The following GABRA1 variants were observed in gnomAD, a reference collection of about 807,000 sequenced individuals.
The protein encoded by GABRA1 is gamma-aminobutyric acid type A receptor subunit alpha1, also known as gamma-aminobutyric acid receptor subunit alpha-1.
In GABRA1, 9 loss-of-function variants were observed where a neutral mutation model predicts 48.9. The ratio of observed to expected loss-of-function variants is 0.18; its 90% CI spans 0.11 to 0.32. GABRA1 has a LOEUF of 0.32. GABRA1 is among the 10% of genes least tolerant of loss of function. The pLI, the probability that GABRA1 is intolerant of heterozygous loss-of-function variation, is 1.00. For missense variants in GABRA1, 285 were observed against 553.8 expected (o/e 0.51, Z 4.87); for synonymous variants, 210 against 198.7 (o/e 1.06, Z -0.48).
intron 4 of GABRA1, 77 bp from the exon 5 acceptor site, chr5:161,873,040 A>G: frequency 8.7e-7 from 1 of 1,153,008 alleles, no homozygotes; most frequent in Non-Finnish European, 1.3e-6. Context: ...TGCAAAAATT[A>G]TGCACTGTCT....
Position 161,875,556 on chromosome 5 carries a change from T to G in GABRA1, c.477-4T>G. 6.2e-7 allele frequency: 1 copy of G among 1,611,932 alleles called. No homozygotes were observed. The highest frequency in any genetic ancestry group is 1.1e-5 in the South Asian group (1 of 91,050). On this transcript the variant is annotated splice_region_variant and splice_polypyrimidine_tract_variant and intron_variant, in intron 5 of 9. Coordinates refer to ENST00000393943, the MANE Select transcript of GABRA1 (RefSeq NM_001127644.2). Reference sequence around the variant, plus strand: ...TCTTGTTTGTATTCTATGTTTCCCTTAAGGCTGACAGTGAGAGCTGAATGT... The same window carrying G: ...TCTTGTTTGTATTCTATGTTTCCCTGAAGGCTGACAGTGAGAGCTGAATGT...
chr5:161,856,890 T>G (rs772544217), intron 3 of GABRA1, among the ~76,000 whole-genome samples: 18 of 151,378 alleles, frequency 1.2e-4, no homozygotes, highest in Non-Finnish European at 2.5e-4. Context: ...AATACCATGA[T>G]AGCTGGCTGC....
Position 161,865,712 on chromosome 5 carries a change from C to T in GABRA1, c.188-9C>T. ...AGACACTCACTCGCCCAATTTCCTG[C>T]TTCAACAGAGCGTGTAACCGAAGTG... On this transcript the variant is annotated splice_polypyrimidine_tract_variant and intron_variant, in intron 3 of 9. Transcript: ENST00000393943. The T allele has an allele frequency of 1.2e-6, 2 of 1,612,396 alleles. No individual in the cohort carries two copies. Among genetic ancestry groups the T allele is most frequent in the Non-Finnish European group, 1.7e-6 (2 of 1,178,638 alleles).
At position 161,897,634 on chromosome 5, in the gene GABRA1, G is replaced by A. The variant is rs1006719604; in HGVS notation, c.*212G>A. On this transcript the variant is annotated 3_prime_UTR_variant, in exon 10 of 10. Transcript: ENST00000393943. ...TGGAGACAGGATTCTGACAGAGCAA[G>A]CGAAAGAGCAAAGTCATGTCAGAAG... The A allele has an allele frequency of 1.8e-6, 1 of 559,468 alleles. No individual in the cohort carries two copies. Among genetic ancestry groups the A allele is most frequent in the Admixed American group, 3.4e-5 (1 of 29,702 alleles). The allele number at this position is 559,468 out of a possible 1,614,324, so 34.7% of individuals were successfully genotyped here. A position where few individuals can be genotyped will look rare whatever the true frequency, so the allele number is the denominator to read the frequency against.
At chr5:161,854,944 C>A (rs1162443311) in intron 3 of GABRA1, among the ~76,000 whole-genome samples, 1 of 151,464 alleles carries the variant, frequency 6.6e-6, no homozygotes, top group Middle Eastern at 3.4e-3. Context: ...TTGAATAACA[C>A]TTGAATAAGA....
intron 6 of GABRA1, among the ~76,000 whole-genome samples, chr5:161,878,088 A>G (rs1203803768): frequency 1.3e-5 from 2 of 152,206 alleles, no homozygotes; most frequent in Non-Finnish European, 2.9e-5. Flanking sequence ...TACTTTGTTC[A>G]GCTTTTCCTA....
intron 6 of GABRA1, among the ~76,000 whole-genome samples, chr5:161,877,246 G>T (rs1238712637): frequency 6.6e-6 from 1 of 151,958 alleles, no homozygotes; most frequent in Non-Finnish European, 1.5e-5. Flanking sequence ...TGCCCAGCCT[G>T]GTATAAATAC....
In GABRA1 at chr5:161,882,613, A is replaced by G. The variant is rs1754663827; in HGVS notation, c.615A>G (p.Ser205=). ...VYEWTREPAR[S]VVVAEDGSRL... ...AATGGACCAGAGAGCCAGCACGCTC[A>G]GTGGTTGTAGCAGAAGATGGATCAC... Residue 205 remains serine (S), a synonymous_variant, in exon 7 of 10, where the codon TCA becomes TCG. Transcript: ENST00000393943. 1.2e-6 allele frequency: 2 copies of G among 1,613,432 alleles called. No individual in the cohort carries two copies. Among genetic ancestry groups the G allele is most frequent in the Non-Finnish European group, 1.7e-6 (2 of 1,179,490 alleles).
chr5:161,858,033 C>G (rs1029050145), intron 3 of GABRA1, among the ~76,000 whole-genome samples: 21 of 148,800 alleles, frequency 1.4e-4, no homozygotes, highest in African/African-American at 4.4e-4. Context: ...AAAGAGAGAA[C>G]AGAGGGGAGG....
intron 6 of GABRA1, among the ~76,000 whole-genome samples, chr5:161,881,483 C>A (rs1201821076): frequency 1.3e-5 from 2 of 152,036 alleles, no homozygotes; most frequent in East Asian, 3.9e-4. Flanking sequence ...AGTGACATGG[C>A]AAATAAAAAT....
chr5:161,891,122 A>G, intron 8 of GABRA1, 72 bp downstream of exon 8: 1 of 1,377,178 alleles, frequency 7.3e-7, no homozygotes, highest in East Asian at 2.3e-5. Context: ...GTGACACTGC[A>G]AAGAGAAATA....
chr5:161,851,600 G>C (rs544963726), intron 2 of GABRA1, among the ~76,000 whole-genome samples: 4 of 152,096 alleles, frequency 2.6e-5, no homozygotes, highest in African/African-American at 7.2e-5. Flanking sequence ...TTCTTGTGTA[G>C]CCTATTCCTG....
intron 6 of GABRA1, 60 bp downstream of exon 6, chr5:161,875,702 T>C: frequency 1.6e-6 from 2 of 1,260,578 alleles, no homozygotes; most frequent in South Asian, 1.2e-5. Flanking sequence ...GATCTCTAGC[T>C]ATATCTGTGA....
At chr5:161,882,840 A>G (rs1477474779) in intron 7 of GABRA1, 139 bp downstream of exon 7, 2 of 839,584 alleles carry the variant, frequency 2.4e-6, no homozygotes, top group South Asian at 1.4e-5. Context: ...CTGGGAACTA[A>G]TGTAAACTCG....
At chr5:161,864,827 TAAAATA>T (rs1359288138) in intron 3 of GABRA1, among the ~76,000 whole-genome samples, 5 of 147,748 alleles carry the variant, frequency 3.4e-5, no homozygotes, top group Non-Finnish European at 6.0e-5. Context: ...GTAAATAAAA[TAAAATA>T]AAATAAAATA....
intron 4 of GABRA1, among the ~76,000 whole-genome samples, chr5:161,869,405 G>T (rs909168622): frequency 5.3e-5 from 8 of 152,128 alleles, no homozygotes; most frequent in African/African-American, 1.9e-4. Context: ...TTGAACCCAG[G>T]TTATTTAGCC....
At chr5:161,850,466 A>G (rs1757395742) in intron 1 of GABRA1, 4 of 476,808 alleles carry the variant, frequency 8.4e-6, no homozygotes, top group Non-Finnish European at 1.1e-5. Flanking sequence ...AACAACAAGA[A>G]GAGAATAAAC....
chr5:161,896,374 C>G (rs1755369192), intron 9 of GABRA1, among the ~76,000 whole-genome samples: 1 of 152,102 alleles, frequency 6.6e-6, no homozygotes. Context: ...TTTCTCTTTC[C>G]AAAATAGACA....
intron 3 of GABRA1, among the ~76,000 whole-genome samples, chr5:161,857,100 A>G (rs1277663121): frequency 6.6e-6 from 1 of 151,288 alleles, no homozygotes; most frequent in Non-Finnish European, 1.5e-5. Flanking sequence ...TAAAGGAAAT[A>G]AGTGAGATTA....
Sources: allele counts gnomAD v4.1 joint callset (sites outside exome capture counted in the v4.1 genomes callset), GRCh38; gene constraint gnomAD v4.1.1; transcripts MANE v1.5; gene names NCBI Gene and HGNC (gene_info 2026-07-23, HGNC 2026-07-21).